The following ASIC2 variants were observed in gnomAD, a reference collection of about 807,000 sequenced individuals.
ASIC2 encodes acid-sensing ion channel 2.
ASIC2 carries 25 observed loss-of-function variants against 57.3 expected under a neutral mutation model. The ratio of observed to expected loss-of-function variants is 0.44; its 90% CI spans 0.32 to 0.61. The LOEUF (loss-of-function observed/expected upper bound fraction) is 0.61, where lower values mean the gene tolerates loss of function less well. ASIC2 is among the 20% of genes least tolerant of loss of function. The pLI, the probability that ASIC2 is intolerant of heterozygous loss-of-function variation, is 0.06. For synonymous variants in ASIC2, 319 were observed against 307.5 expected, an observed-to-expected ratio of 1.04 and a Z score of -0.39; for missense variants, 641 against 738.1, an observed-to-expected ratio of 0.87 and a Z score of 1.52.
chr17:33,154,183 C>G lies in ASIC2; in HGVS notation c.709-42116G>C, dbSNP rs867506440. On this transcript the variant is annotated intron_variant, in intron 1 of 9. Transcript: ENST00000225823. Reference sequence around the variant, plus strand: ...ATGTACTTCTGTTTATTATTGTTATCTTTTTGAGAGGCAGGGTCTCACTAT... The same window carrying G: ...ATGTACTTCTGTTTATTATTGTTATGTTTTTGAGAGGCAGGGTCTCACTAT... Among the ~76,000 whole-genome samples the G allele has an allele frequency of 8.5e-5, 13 of 152,236 alleles. No individual in the cohort carries two copies. In the South Asian group the frequency reaches 2.5e-3, roughly 29 times the overall value.
chr17:33,742,492 C>T lies in ASIC2; in HGVS notation c.555+413486G>A, dbSNP rs116654029. Among the ~76,000 whole-genome samples, 358 of 152,274 alleles carry T rather than the reference C, an allele frequency of 2.4e-3. 1 individual carries two copies. Among genetic ancestry groups the T allele is most frequent in the African/African-American group, 8.4e-3 (350 of 41,542 alleles). ...TGGCTTGTGGACATTTTGTGCTCCT[C>T]TAGAGAGGAGTGACAGAGTCATACT... On this transcript the variant is annotated intron_variant, in intron 1 of 9. Transcript: ENST00000359872.
chr17:34,023,413 T>G (rs1329795397), intron 1 of ASIC2, among the ~76,000 whole-genome samples: 1 of 147,202 alleles, frequency 6.8e-6, no homozygotes, highest in African/African-American at 2.5e-5. Context: ...ACACTTCAGA[T>G]TTTGATTCTG....
intron 1 of ASIC2, among the ~76,000 whole-genome samples, chr17:33,619,854 C>G (rs1005347977): frequency 6.6e-6 from 1 of 151,934 alleles, no homozygotes; most frequent in African/African-American, 2.4e-5. Flanking sequence ...AAAAAAAAAT[C>G]TACATTTAAT....
chr17:33,016,072 C>A (rs374194349), intron 8 of ASIC2, 33 bp from the exon 9 acceptor site: 13 of 1,610,958 alleles, frequency 8.1e-6, no homozygotes, highest in Admixed American at 1.7e-5. Flanking sequence ...TTGGTCAGGC[C>A]GGGAAGAGGG....
chr17:33,031,762 T>C (rs2091884634), intron 3 of ASIC2, among the ~76,000 whole-genome samples: 2 of 152,192 alleles, frequency 1.3e-5, no homozygotes, highest in African/African-American at 4.8e-5. Context: ...ATTTTTGCTT[T>C]GGGTATTTCT....
chr17:33,178,945 A>G (rs1905872242), intron 1 of ASIC2, among the ~76,000 whole-genome samples: 1 of 152,116 alleles, frequency 6.6e-6, no homozygotes, highest in East Asian at 1.9e-4. Flanking sequence ...GCAGCCCAGA[A>G]CTCATCAGAG....
intron 1 of ASIC2, among the ~76,000 whole-genome samples, chr17:33,619,013 TG>T (rs1244330381): frequency 1.3e-5 from 2 of 152,216 alleles, no homozygotes; most frequent in Admixed American, 1.3e-4. Flanking sequence ...CCTTCTCCTG[TG>T]ATCTCATTAC....
intron 1 of ASIC2, among the ~76,000 whole-genome samples, chr17:33,590,911 CCAT>C (rs1370790609): frequency 1.3e-5 from 2 of 152,166 alleles, no homozygotes; most frequent in African/African-American, 4.8e-5. Context: ...AACATCTAAA[CCAT>C]AGGTACTCAG....
chr17:33,522,595 CTAAG>C (rs1567638602), intron 1 of ASIC2, among the ~76,000 whole-genome samples: 2 of 152,222 alleles, frequency 1.3e-5, no homozygotes, highest in Admixed American at 6.5e-5. Context: ...GCCTTGGGTG[CTAAG>C]TGAGAGGACG....
At chr17:34,144,847 T>C (rs1912374565) in intron 1 of ASIC2, among the ~76,000 whole-genome samples, 1 of 152,242 alleles carries the variant, frequency 6.6e-6, no homozygotes, top group African/African-American at 2.4e-5. Context: ...CCCTTTGTTG[T>C]CTGTTATCAG....
At chr17:33,389,220 C>A (rs1304605478) in intron 1 of ASIC2, among the ~76,000 whole-genome samples, 3 of 152,172 alleles carry the variant, frequency 2.0e-5, no homozygotes, top group Admixed American at 2.0e-4. Context: ...CTCAGCCTCT[C>A]AAAGTGCTGG....
chr17:33,220,874 G>T (rs1907663473), intron 1 of ASIC2, among the ~76,000 whole-genome samples: 1 of 152,068 alleles, frequency 6.6e-6, no homozygotes, highest in Non-Finnish European at 1.5e-5. Flanking sequence ...TTGAGACCAG[G>T]CTGGGCAATA....
intron 1 of ASIC2, among the ~76,000 whole-genome samples, chr17:33,970,466 G>A (rs546883544): frequency 6.6e-6 from 1 of 152,316 alleles, no homozygotes; most frequent in South Asian, 2.1e-4. Flanking sequence ...CTCCCCTGCT[G>A]AGCCAAGCCC....
At chr17:34,058,837 G>A (rs1387748348) in intron 1 of ASIC2, among the ~76,000 whole-genome samples, 1 of 152,154 alleles carries the variant, frequency 6.6e-6, no homozygotes, top group Admixed American at 6.5e-5. Context: ...ACCGCACTAA[G>A]CATGTCATTT....
At chr17:33,853,109 T>C (rs544659605) in intron 1 of ASIC2, among the ~76,000 whole-genome samples, 8 of 152,228 alleles carry the variant, frequency 5.3e-5, no homozygotes, top group African/African-American at 1.7e-4. Flanking sequence ...TTAAAACACT[T>C]CTCCCACACA....
intron 1 of ASIC2, among the ~76,000 whole-genome samples, chr17:33,352,065 A>G (rs1908205654): frequency 1.3e-5 from 2 of 151,872 alleles, no homozygotes; most frequent in South Asian, 2.1e-4. Flanking sequence ...TTGTGTCTTC[A>G]TCTCTTTGCT....
chr17:33,440,996 C>A lies in ASIC2; in HGVS notation c.556-328929G>T, dbSNP rs1055395752. ...TCTTTTCTTTTTTTTAAAGGCAGGGCCTTGCTCTGTCACCCAGACTGGAAT... is the reference window on the plus strand; with the variant it reads ...TCTTTTCTTTTTTTTAAAGGCAGGGACTTGCTCTGTCACCCAGACTGGAAT... On this transcript the variant is annotated intron_variant, in intron 1 of 9. Transcript: ENST00000359872. 7.2e-5 allele frequency among the ~76,000 whole-genome samples: 11 copies of A among 151,914 alleles called. No individual in the cohort carries two copies. In the South Asian group the frequency reaches 8.3e-4, roughly 11 times the overall value.
At chr17:33,391,247 T>A (rs761293191) in intron 1 of ASIC2, among the ~76,000 whole-genome samples, 1 of 152,226 alleles carries the variant, frequency 6.6e-6, no homozygotes, top group African/African-American at 2.4e-5. Context: ...GACCTAGAAC[T>A]CAGGTCACCT....
chr17:33,966,793 A>G (rs1380091496), intron 1 of ASIC2, among the ~76,000 whole-genome samples: 2 of 152,222 alleles, frequency 1.3e-5, no homozygotes, highest in African/African-American at 4.8e-5. Context: ...TTTTATACAG[A>G]GTTGATTTCC....
Sources: allele counts gnomAD v4.1 joint callset (sites outside exome capture counted in the v4.1 genomes callset), GRCh38; gene constraint gnomAD v4.1.1; transcripts MANE v1.5; gene names NCBI Gene and HGNC (gene_info 2026-07-23, HGNC 2026-07-21).